The following CAMK2B variants were observed in gnomAD, a reference collection of about 807,000 sequenced individuals.
CAMK2B encodes calcium/calmodulin-dependent protein kinase type II subunit beta.
Under a neutral mutation model 93.7 loss-of-function variants are expected in CAMK2B, and 27 were observed. That is an observed-to-expected ratio of 0.29 (90% CI 0.21 to 0.40). The LOEUF (loss-of-function observed/expected upper bound fraction) is 0.40. Ranked by LOEUF, CAMK2B falls within the 10% of genes least tolerant of loss-of-function variation. CAMK2B has a pLI of 1.00. For missense variants in CAMK2B, 568 were observed against 895.8 expected, an observed-to-expected ratio of 0.63 and a Z score of 4.67; for synonymous variants, 374 against 358.8, an observed-to-expected ratio of 1.04 and a Z score of -0.48.
At chr7:44,322,043 C>T (rs974453526) in intron 1 of CAMK2B, among the ~76,000 whole-genome samples, 23 of 152,240 alleles carry the variant, frequency 1.5e-4, no homozygotes, top group African/African-American at 3.4e-4. Context: ...CGGGCCGTGA[C>T]GGTGCTGGCC....
At chr7:44,220,768 C>A in intron 21 of CAMK2B, 58 bp from the exon 22 acceptor site, 1 of 1,564,892 alleles carries the variant, frequency 6.4e-7, no homozygotes, top group East Asian at 2.4e-5. Context: ...TGAGCAGGCC[C>A]CCCCAAGGGT....
chr7:44,241,080 CT>C (rs1396617163), intron 11 of CAMK2B, among the ~76,000 whole-genome samples: 1 of 152,194 alleles, frequency 6.6e-6, no homozygotes, highest in Non-Finnish European at 1.5e-5. Flanking sequence ...CTGACAGCCC[CT>C]TCTTTTCCTG....
At chr7:44,303,808 G>A (rs886862743) in intron 1 of CAMK2B, among the ~76,000 whole-genome samples, 1 of 152,040 alleles carries the variant, frequency 6.6e-6, no homozygotes, top group South Asian at 2.1e-4. Flanking sequence ...GAATTAAAAG[G>A]GAAACAACCA....
intron 16 of CAMK2B, among the ~76,000 whole-genome samples, chr7:44,232,466 G>A (rs2096588567): frequency 6.6e-6 from 1 of 152,156 alleles, no homozygotes; most frequent in Non-Finnish European, 1.5e-5. Context: ...AGGTGGGGTG[G>A]AGGACAGCCA....
chr7:44,221,044 C>T (rs190908762), intron 20 of CAMK2B, 143 bp from the exon 21 acceptor site: 6,782 of 635,098 alleles, frequency 0.011, 66 homozygotes, highest in South Asian at 0.013. Flanking sequence ...AGGTCCTCTC[C>T]GCCGCCCCCC....
rs79726061 is a variant in CAMK2B at position 44,275,610 on chromosome 7, A to G, written c.160+8521T>C. Among the ~76,000 whole-genome samples the G allele has an allele frequency of 4.2e-3, 640 of 152,366 alleles. 5 individuals carry two copies. The highest frequency in any genetic ancestry group is 6.6e-3 in the Non-Finnish European group (452 of 68,024). On this transcript the variant is annotated intron_variant, in intron 2 of 23. Coordinates refer to ENST00000395749, the MANE Select transcript of CAMK2B (RefSeq NM_001220.5). ...AGTTTGTCTCAATTTCAGATACACA[A>G]CAAATAATTTTTAGTTTAAGTAAGT...
chr7:44,251,260 T>TGG (rs1216048415), intron 5 of CAMK2B, among the ~76,000 whole-genome samples: 3 of 152,202 alleles, frequency 2.0e-5, no homozygotes, highest in Non-Finnish European at 1.5e-5. Context: ...GGGCTCTGCC[T>TGG]GGGGGTAAGT....
chr7:44,308,234 T>C (rs1401514365), intron 1 of CAMK2B, among the ~76,000 whole-genome samples: 2 of 152,206 alleles, frequency 1.3e-5, no homozygotes, highest in African/African-American at 4.8e-5. Flanking sequence ...TGCAGATGGC[T>C]AATTGCCGGA....
chr7:44,309,807 C>T (rs1584874201), intron 1 of CAMK2B, among the ~76,000 whole-genome samples: 1 of 151,986 alleles, frequency 6.6e-6, no homozygotes, highest in East Asian at 1.9e-4. Context: ...GATTCCGACG[C>T]CAGCACCGTA....
At chr7:44,274,037 C>T (rs950409034) in intron 2 of CAMK2B, among the ~76,000 whole-genome samples, 1 of 152,144 alleles carries the variant, frequency 6.6e-6, no homozygotes, top group African/African-American at 2.4e-5. Flanking sequence ...TTCCAGAATG[C>T]CCCCTACCAC....
At chr7:44,251,791 G>A (rs1285365438) in intron 5 of CAMK2B, among the ~76,000 whole-genome samples, 1 of 152,220 alleles carries the variant, frequency 6.6e-6, no homozygotes, top group Non-Finnish European at 1.5e-5. Context: ...GAGGAGATGG[G>A]GAGACCTGGG....
At chr7:44,300,484 G>T in intron 1 of CAMK2B, among the ~76,000 whole-genome samples, 1 of 137,238 alleles carries the variant, frequency 7.3e-6, no homozygotes, top group Admixed American at 7.4e-5. Context: ...ATTGATATCA[G>T]AAAAAAAAAA....
intron 5 of CAMK2B, among the ~76,000 whole-genome samples, chr7:44,252,547 G>A (rs1035389293): frequency 6.7e-6 from 1 of 148,500 alleles, no homozygotes; most frequent in East Asian, 2.0e-4. Flanking sequence ...GGGTGGGGGT[G>A]GGGGAGGGTG....
At position 44,225,905 on chromosome 7, in the gene CAMK2B, T is replaced by TG; in HGVS notation, c.1597+610dup. ...TGTCATCCATCCCTGTAAGTGATAC[T>TG]GCGGGTAGTCGGCAGACAGACCGGG... On this transcript the variant is annotated intron_variant, in intron 20 of 23. Coordinates refer to ENST00000395749, the MANE Select transcript of CAMK2B (RefSeq NM_001220.5). This position sits in a 1 kb window ranked among gnomAD's most constrained non-coding sequence, Gnocchi z 5.0. The TG allele has an allele frequency of 7.8e-7, 1 of 1,286,444 alleles. No homozygotes were observed. The allele number at this position is 1,286,444 out of a possible 1,614,324, so 79.7% of individuals were successfully genotyped here.
intron 13 of CAMK2B, among the ~76,000 whole-genome samples, chr7:44,238,504 G>T (rs369151262): frequency 1.3e-5 from 2 of 152,186 alleles, no homozygotes; most frequent in South Asian, 4.1e-4. Flanking sequence ...GGGCTCTCCC[G>T]GGGTGCTGCC....
chr7:44,236,790 C>G (rs1194487026), intron 13 of CAMK2B, among the ~76,000 whole-genome samples: 1 of 152,212 alleles, frequency 6.6e-6, no homozygotes, highest in Non-Finnish European at 1.5e-5. Context: ...AAACACCCGC[C>G]CAGTGCCAGC....
Position 44,299,344 on chromosome 7 carries a change from T to C in CAMK2B, c.66-15119A>G, listed in dbSNP as rs150071207. ...GGGATACCTAGAATAGACAAATTCA[T>C]AGAGAGAAAGTAGAACAGAGGTTGC... On this transcript the variant is annotated intron_variant, in intron 1 of 23. Transcript: ENST00000395749. Among the ~76,000 whole-genome samples the C allele has an allele frequency of 5.2e-3, 794 of 152,226 alleles. 6 individuals are homozygous for C. Among genetic ancestry groups the C allele is most frequent in the Non-Finnish European group, 7.5e-3 (509 of 68,010 alleles).
intron 4 of CAMK2B, among the ~76,000 whole-genome samples, chr7:44,256,277 G>A (rs2096832751): frequency 6.6e-6 from 1 of 152,250 alleles, no homozygotes. Flanking sequence ...GTGTGTGTGT[G>A]CACGTGTTCA....
chr7:44,309,078 G>A lies in CAMK2B; in HGVS notation c.65+16279C>T, dbSNP rs908332216. On this transcript the variant is annotated intron_variant, in intron 1 of 23. Coordinates refer to ENST00000395749, the MANE Select transcript of CAMK2B (RefSeq NM_001220.5). Reference sequence around the variant, plus strand: ...CAGCACTGCCCGCCTGGCCTAGTAGGCTCCTACCACCAACGCGGATTCCAC... The same window carrying A: ...CAGCACTGCCCGCCTGGCCTAGTAGACTCCTACCACCAACGCGGATTCCAC... Among the ~76,000 whole-genome samples, 14 of 152,212 alleles carry A rather than the reference G, an allele frequency of 9.2e-5. 1 individual carries two copies. Among genetic ancestry groups the A allele is most frequent in the African/African-American group, 2.7e-4 (11 of 41,450 alleles).
Sources: allele counts gnomAD v4.1 joint callset (sites outside exome capture counted in the v4.1 genomes callset), GRCh38; gene constraint gnomAD v4.1.1; non-coding constraint Gnocchi (gnomAD v3.1); transcripts MANE v1.5; gene names NCBI Gene and HGNC (gene_info 2026-07-23, HGNC 2026-07-21).